The following ANKS1A variants were observed in gnomAD, a reference collection of about 807,000 sequenced individuals.
ANKS1A encodes the protein ankyrin repeat and sterile alpha motif domain containing 1A.
A neutral mutation model predicts 120.3 loss-of-function variants in ANKS1A; 55 were observed. The ratio of observed to expected loss-of-function variants is 0.46; its 90% CI spans 0.37 to 0.57. The LOEUF is 0.57. ANKS1A is among the 20% of genes least tolerant of loss of function. ANKS1A has a pLI of 0.00. For missense variants in ANKS1A, 1,123 were observed against 1,480.3 expected (o/e 0.76, Z 3.96); for synonymous variants, 590 against 604.7 (o/e 0.98, Z 0.36).
At chr6:34,987,298 C>T (rs1772263846) in intron 8 of ANKS1A, among the ~76,000 whole-genome samples, 1 of 152,092 alleles carries the variant, frequency 6.6e-6, no homozygotes, top group Non-Finnish European at 1.5e-5. Flanking sequence ...TTCCAGTGTC[C>T]CTGGTGATTG....
chr6:34,977,205 A>G (rs971688856), intron 3 of ANKS1A, among the ~76,000 whole-genome samples: 1 of 152,082 alleles, frequency 6.6e-6, no homozygotes, highest in African/African-American at 2.4e-5. Context: ...TTTGTTTGAT[A>G]TTTCCTTATG....
intron 3 of ANKS1A, among the ~76,000 whole-genome samples, chr6:34,974,543 A>G (rs1054919805): frequency 7.2e-5 from 11 of 151,744 alleles, no homozygotes; most frequent in Admixed American, 2.6e-4. Flanking sequence ...AGATACTCTT[A>G]TCTTAGTTTT....
chr6:35,026,261 C>T (rs1348648125), intron 11 of ANKS1A, among the ~76,000 whole-genome samples: 1 of 152,062 alleles, frequency 6.6e-6, no homozygotes, highest in Non-Finnish European at 1.5e-5. Context: ...TTATTCTAAG[C>T]AATTGTGTCT....
At chr6:34,935,888 C>T (rs1448575945) in intron 1 of ANKS1A, among the ~76,000 whole-genome samples, 1 of 151,030 alleles carries the variant, frequency 6.6e-6, no homozygotes, top group Non-Finnish European at 1.5e-5. Context: ...CGGTGAAACC[C>T]CGTCTCTACT....
Position 35,082,435 on chromosome 6 carries a change from C to G in ANKS1A, c.2710-256C>G, listed in dbSNP as rs1377004136. On this transcript the variant is annotated intron_variant, in intron 17 of 23. Coordinates refer to ENST00000360359, the MANE Select transcript of ANKS1A (RefSeq NM_015245.3). This position sits in a 1 kb window ranked among gnomAD's most constrained non-coding sequence, Gnocchi z 4.1. ...TTCCCATCTCCTTTGAGACTCATCT[C>G]GGACACCACAGAGACTGTCCTTCCC... 1.3e-5 allele frequency among the ~76,000 whole-genome samples: 2 copies of G among 152,100 alleles called. No homozygotes were observed. The highest frequency in any genetic ancestry group is 2.9e-5 in the Non-Finnish European group (2 of 68,000).
At position 35,058,065 on chromosome 6, in the gene ANKS1A, T is replaced by C. The variant is rs1581711911; in HGVS notation, c.2078-2082T>C. On this transcript the variant is annotated intron_variant, in intron 12 of 23. Transcript: ENST00000360359. The surrounding 1 kb of genome is among the most constrained non-coding windows in gnomAD (Gnocchi z 5.1). ...CATTTCGCTCTGATGCTAGTGCTGCTGTCTCCTTCTCCCTCAGCAGCCACA... is the reference window on the plus strand; with the variant it reads ...CATTTCGCTCTGATGCTAGTGCTGCCGTCTCCTTCTCCCTCAGCAGCCACA... Among the ~76,000 whole-genome samples, 1 of 152,246 alleles carries C rather than the reference T, an allele frequency of 6.6e-6. No homozygotes were observed. The highest frequency in any genetic ancestry group is 1.5e-5 in the Non-Finnish European group (1 of 68,036).
intron 2 of ANKS1A, among the ~76,000 whole-genome samples, chr6:34,968,529 C>T (rs987990367): frequency 6.6e-6 from 1 of 152,144 alleles, no homozygotes; most frequent in African/African-American, 2.4e-5. Context: ...CCTCCACCTC[C>T]CGGGTTCAAG....
In ANKS1A at chr6:34,890,241, G is replaced by A. The variant is rs1446505353; in HGVS notation, c.197+642G>A. On this transcript the variant is annotated intron_variant, in intron 1 of 23. Coordinates refer to ENST00000360359, the MANE Select transcript of ANKS1A (RefSeq NM_015245.3). ...CAAGTAGCTGGGATTACAGGCGCCC[G>A]CCACGACACCAGGCTAATTTTTGTA... 2.0e-5 allele frequency among the ~76,000 whole-genome samples: 3 copies of A among 152,046 alleles called. No homozygotes were observed. In the East Asian group the frequency reaches 5.8e-4, roughly 29 times the overall value.
intron 1 of ANKS1A, among the ~76,000 whole-genome samples, chr6:34,955,385 C>T (rs1581744672): frequency 6.6e-6 from 1 of 152,226 alleles, no homozygotes; most frequent in South Asian, 2.1e-4. Context: ...GATCCGTCCA[C>T]CTCAGCCTCC....
At chr6:35,096,306 A>G (rs1055611025), downstream of ANKS1A, among the ~76,000 whole-genome samples, 5 of 152,204 alleles carry the variant, frequency 3.3e-5, no homozygotes, top group African/African-American at 1.2e-4. Context: ...TGGGATGATA[A>G]AAGACTTTTT....
intron 3 of ANKS1A, among the ~76,000 whole-genome samples, chr6:34,980,793 A>C (rs1197518614): frequency 2.6e-5 from 4 of 152,230 alleles, no homozygotes; most frequent in Non-Finnish European, 5.9e-5. Context: ...TGGAATGACT[A>C]ACATTTTGCC....
intron 3 of ANKS1A, 102 bp from the exon 4 acceptor site, chr6:34,981,588 A>AT: frequency 7.8e-7 from 1 of 1,288,702 alleles, no homozygotes; most frequent in Non-Finnish European, 1.1e-6. Flanking sequence ...TGTTGCTGCT[A>AT]TTTTTCTCAT....
chr6:34,902,795 TCC>T, intron 1 of ANKS1A, among the ~76,000 whole-genome samples: 1 of 121,708 alleles, frequency 8.2e-6, no homozygotes, highest in Non-Finnish European at 1.7e-5. Context: ...AAAGCAAGAC[TCC>T]GTCTCAAAAA....
chr6:34,988,323 A>G lies in ANKS1A; in HGVS notation c.1210-901A>G, dbSNP rs372825347. Among the ~76,000 whole-genome samples the G allele has an allele frequency of 2.0e-4, 31 of 152,352 alleles. No individual in the cohort carries two copies. The East Asian group carries it at 5.4e-3, about 27-fold the overall frequency. On this transcript the variant is annotated intron_variant, in intron 8 of 23. Transcript: ENST00000360359. ...AAAAATGGGTTTAGATGGGCTGGGC[A>G]CGGTGGCTTACGCCTGTAATCCCAG...
At chr6:34,952,596 G>T (rs2127494215) in intron 1 of ANKS1A, among the ~76,000 whole-genome samples, 1 of 152,092 alleles carries the variant, frequency 6.6e-6, no homozygotes, top group African/African-American at 2.4e-5. Context: ...AAGAAACTTT[G>T]CTTTTTCTTT....
chr6:34,988,664 G>T (rs1772343816), intron 8 of ANKS1A, among the ~76,000 whole-genome samples: 1 of 152,168 alleles, frequency 6.6e-6, no homozygotes, highest in African/African-American at 2.4e-5. Context: ...ATTGAAGGAG[G>T]CAACCAAGGA....
intron 3 of ANKS1A, among the ~76,000 whole-genome samples, chr6:34,979,185 G>A (rs548170409): frequency 1.3e-5 from 2 of 152,216 alleles, no homozygotes; most frequent in African/African-American, 2.4e-5. Flanking sequence ...ATGAGCCACC[G>A]TGCCCGGCCC....
chr6:34,889,525 GGGCGGCGGC>G lies in ANKS1A; in HGVS notation c.130_138del (p.Gly44_Gly46del). On this transcript the variant is annotated inframe_deletion, in exon 1 of 24. Coordinates refer to ENST00000360359, the MANE Select transcript of ANKS1A (RefSeq NM_015245.3). This position sits in a 1 kb window ranked among gnomAD's most constrained non-coding sequence, Gnocchi z 5.5. The stretch of plus-strand genomic sequence containing the variant: ...GGGGCGGCGGCGGCGGTGGCTCTGG[GGGCGGCGGC>G]GGCGGCAGCGGCGGCGGCGGCGGCG... The G allele has an allele frequency of 1.6e-6, 2 of 1,272,104 alleles. No homozygotes were observed. The highest frequency in any genetic ancestry group is 2.0e-6 in the Non-Finnish European group (2 of 1,019,378). 78.8% of individuals were successfully genotyped at this position (1,272,104 alleles called of 1,614,324 possible).
At chr6:34,999,394 A>G (rs1773032019) in intron 10 of ANKS1A, among the ~76,000 whole-genome samples, 1 of 151,948 alleles carries the variant, frequency 6.6e-6, no homozygotes, top group Admixed American at 6.6e-5. Flanking sequence ...TTTGGTTTTG[A>G]TTTTGGTTTG....
Sources: gnomAD v4.1 joint callset for allele counts (sites outside exome capture counted in the v4.1 genomes callset) on GRCh38, gnomAD v4.1.1 for gene constraint, Gnocchi (gnomAD v3.1) non-coding constraint, MANE v1.5 for transcripts, NCBI Gene and HGNC (gene_info 2026-07-23, HGNC 2026-07-21) for gene names.